DRD2: variants seen among roughly 807,000 people sequenced by gnomAD.
The protein encoded by DRD2 is D(2) dopamine receptor.
A neutral mutation model predicts 38.0 loss-of-function variants in DRD2; 8 were observed. The ratio of observed to expected loss-of-function variants is 0.21; its 90% CI spans 0.12 to 0.38. The LOEUF is 0.38. Ranked by LOEUF, DRD2 falls within the 10% of genes least tolerant of loss-of-function variation. The pLI, the probability that DRD2 is intolerant of heterozygous loss-of-function variation, is 1.00. For missense variants in DRD2, 403 were observed against 607.7 expected, an observed-to-expected ratio of 0.66 and a Z score of 3.54; for synonymous variants, 230 against 238.6, an observed-to-expected ratio of 0.96 and a Z score of 0.33.
At chr11:113,417,025 T>A (rs372990217) in intron 3 of DRD2, 26 bp from the exon 4 acceptor site, 2 of 1,612,274 alleles carry the variant, frequency 1.2e-6, no homozygotes, top group East Asian at 2.2e-5. Context: ...ACCCTGAATC[T>A]GGGGTGCAGG....
intron 1 of DRD2, among the ~76,000 whole-genome samples, chr11:113,466,095 C>T (rs1178646726): frequency 6.6e-6 from 1 of 152,122 alleles, no homozygotes; most frequent in Non-Finnish European, 1.5e-5. Context: ...AGCTCATGAC[C>T]GATAGAACAA....
chr11:113,432,379 G>C (rs1262694316), intron 1 of DRD2, among the ~76,000 whole-genome samples: 9 of 151,608 alleles, frequency 5.9e-5, no homozygotes, highest in Admixed American at 5.3e-4. Context: ...CACAGAGCTA[G>C]AAAGGTGGGG....
chr11:113,451,616 A>G (rs978178581), intron 1 of DRD2, among the ~76,000 whole-genome samples: 1 of 151,988 alleles, frequency 6.6e-6, no homozygotes, highest in Non-Finnish European at 1.5e-5. Flanking sequence ...TCAGCCTCCC[A>G]AGTAACTGGG....
chr11:113,419,349 G>GT (rs1950859748), intron 2 of DRD2, among the ~76,000 whole-genome samples: 1 of 152,172 alleles, frequency 6.6e-6, no homozygotes, highest in East Asian at 1.9e-4. Flanking sequence ...TGGGGTAGGC[G>GT]GAGGGGTTGC....
At chr11:113,439,909 C>T (rs1951073719) in intron 1 of DRD2, among the ~76,000 whole-genome samples, 1 of 140,400 alleles carries the variant, frequency 7.1e-6, no homozygotes, top group South Asian at 2.4e-4. Flanking sequence ...AAATGACTCA[C>T]CCAGGTTCAT....
rs1335225287 is a variant in DRD2 at position 113,418,059 on chromosome 11, G to A, written c.363C>T (p.Ser121=). ...TGCTGATGGCACACAAGTTCAGGATGCTCGCCGTGCACATCATGACGTCCA... is the reference window on the plus strand; with the variant it reads ...TGCTGATGGCACACAAGTTCAGGATACTCGCCGTGCACATCATGACGTCCA... ...VTLDVMMCTA[S]ILNLCAISID... Residue 121 remains serine, a synonymous_variant, in exon 3 of 8, where the codon AGC becomes AGT. Transcript: ENST00000362072. 6.2e-7 allele frequency: 1 copy of A among 1,614,062 alleles called. No homozygotes were observed. The highest frequency in any genetic ancestry group is 1.1e-5 in the South Asian group (1 of 91,086).
intron 2 of DRD2, among the ~76,000 whole-genome samples, chr11:113,419,965 T>C (rs1375650927): frequency 1.3e-5 from 2 of 152,204 alleles, no homozygotes; most frequent in African/African-American, 4.8e-5. Context: ...CCTGTGCTGC[T>C]GCGCTGACCA....
In DRD2 at chr11:113,416,942, C is replaced by G. The variant is rs199549160; in HGVS notation, c.453G>C (p.Arg151=). The G allele has an allele frequency of 3.0e-5, 48 of 1,614,138 alleles. 2 individuals carry two copies. The South Asian group carries it at 4.9e-4, about 17-fold the overall frequency. ...LYNTRYSSKR[R]VTVMISIVWV... ...AGACGATGGAGATCATGACGGTGAC[C>G]CGGCGCTTGGAGCTGTAGCGCGTAT... Residue 151 remains arginine (R), a synonymous_variant, in exon 4 of 8, where the codon CGG becomes CGC. Transcript: ENST00000362072.
intron 2 of DRD2, among the ~76,000 whole-genome samples, chr11:113,418,559 C>A (rs1950851075): frequency 6.6e-6 from 1 of 152,116 alleles, no homozygotes; most frequent in Non-Finnish European, 1.5e-5. Flanking sequence ...GCCTCACAGA[C>A]CCAGAGAGAG....
In DRD2 at chr11:113,475,127, T is replaced by C. The variant is rs1453357588; in HGVS notation, c.-83A>G. On this transcript the variant is annotated 5_prime_UTR_variant, in exon 1 of 8. Coordinates refer to ENST00000362072, the MANE Select transcript of DRD2 (RefSeq NM_000795.4). ...AGAGACGGCGCCGGCTGCTTGAGGC[T>C]TCCAGCTCCCGCCGCATCCACGCGC... 6.6e-6 allele frequency: 1 copy of C among 151,344 alleles called. No homozygotes were observed. Among genetic ancestry groups the C allele is most frequent in the African/African-American group, 2.4e-5 (1 of 41,378 alleles). 9.4% of individuals were successfully genotyped at this position (151,344 alleles called of 1,614,324 possible). A position where few individuals can be genotyped will look rare whatever the true frequency, so the allele number is the denominator to read the frequency against.
intron 1 of DRD2, among the ~76,000 whole-genome samples, chr11:113,443,508 T>C (rs1951112281): frequency 6.6e-6 from 1 of 152,222 alleles, no homozygotes; most frequent in Admixed American, 6.5e-5. Flanking sequence ...TTTGGGCAGA[T>C]TGGATTAACC....
chr11:113,463,564 A>C (rs1381333372), intron 1 of DRD2, among the ~76,000 whole-genome samples: 1 of 152,214 alleles, frequency 6.6e-6, no homozygotes, highest in Non-Finnish European at 1.5e-5. Flanking sequence ...GGAGCATTCC[A>C]GCCTGCCTTA....
intron 2 of DRD2, among the ~76,000 whole-genome samples, chr11:113,423,272 A>C (rs571403239): frequency 7.3e-6 from 1 of 137,362 alleles, no homozygotes; most frequent in African/African-American, 2.5e-5. Context: ...TTTTTGTTTT[A>C]ATTTAATTTT....
chr11:113,456,307 T>C (rs1951267946), intron 1 of DRD2, among the ~76,000 whole-genome samples: 1 of 152,190 alleles, frequency 6.6e-6, no homozygotes, highest in African/African-American at 2.4e-5. Flanking sequence ...TTGACTAAGT[T>C]TTAATTAGGC....
At chr11:113,420,375 A>T (rs1950873960) in intron 2 of DRD2, among the ~76,000 whole-genome samples, 1 of 152,194 alleles carries the variant, frequency 6.6e-6, no homozygotes. Flanking sequence ...AGCCCAGAAT[A>T]ACAAAGAGAT....
chr11:113,426,138 C>G (rs1275372810), intron 1 of DRD2, among the ~76,000 whole-genome samples: 1 of 152,058 alleles, frequency 6.6e-6, no homozygotes, highest in Admixed American at 6.5e-5. Flanking sequence ...GAATTAGGAG[C>G]TAAACTGCAA....
chr11:113,457,871 G>A (rs985734522), intron 1 of DRD2, among the ~76,000 whole-genome samples: 7 of 152,240 alleles, frequency 4.6e-5, no homozygotes, highest in African/African-American at 1.7e-4. Flanking sequence ...TAGAGCCAGG[G>A]CCAATTATGT....
At chr11:113,458,416 G>C (rs185313160) in intron 1 of DRD2, among the ~76,000 whole-genome samples, 1 of 152,178 alleles carries the variant, frequency 6.6e-6, no homozygotes, top group African/African-American at 2.4e-5. Context: ...TGAGAGAAAA[G>C]GTTGTGTTTA....
chr11:113,431,319 G>A (rs1950985152), intron 1 of DRD2, among the ~76,000 whole-genome samples: 1 of 152,196 alleles, frequency 6.6e-6, no homozygotes, highest in Non-Finnish European at 1.5e-5. Context: ...GGAAAGTGGG[G>A]GTAATTGCTG....
Sources: gnomAD v4.1 joint callset for allele counts (sites outside exome capture counted in the v4.1 genomes callset) on GRCh38, gnomAD v4.1.1 for gene constraint, MANE v1.5 for transcripts, NCBI Gene and HGNC (gene_info 2026-07-23, HGNC 2026-07-21) for gene names.